Variants in FXR1 observed in about 807,000 individuals in gnomAD.
FXR1 encodes the protein FMR1 autosomal homolog 1, also known as RNA-binding protein FXR1.
A neutral mutation model predicts 84.0 loss-of-function variants in FXR1; 15 were observed. That is an observed-to-expected ratio of 0.18 (90% CI 0.12 to 0.27). The LOEUF is 0.27. FXR1 is among the 10% of genes least tolerant of loss of function. The pLI is 1.00. For synonymous variants in FXR1, 245 were observed against 250.7 expected (o/e 0.98, Z 0.21); for missense variants, 480 against 774.4 (o/e 0.62, Z 4.51).
rs773862999 is a variant in FXR1, at chr3:180,976,238, T to C, written c.1812T>C (p.Asn604=). The stretch of plus-strand genomic sequence containing the variant: ...GTACTCCAGGAGAAGAAAAGATTAA[T>C]ACCTTAAAAGAAGAAAACACTCAAG... The part of the protein sequence containing the change: ...LQRTPGEEKI[N]TLKEENTQEA... Residue 604 remains asparagine (N), a synonymous_variant, in exon 17 of 17, where the codon AAT becomes AAC. Transcript: ENST00000357559. 3 of 1,612,324 alleles carry C rather than the reference T, an allele frequency of 1.9e-6. No individual in the cohort carries two copies. The highest frequency in any genetic ancestry group is 2.5e-6 in the Non-Finnish European group (3 of 1,178,642).
At chr3:180,968,005 G>T in intron 13 of FXR1, 46 bp from the exon 14 acceptor site, 1 of 1,236,324 alleles carries the variant, frequency 8.1e-7, no homozygotes, top group South Asian at 1.2e-5. Flanking sequence ...ATTTTAAAAG[G>T]CTTTTTATAG....
intron 14 of FXR1, 27 bp from the exon 15 acceptor site, chr3:180,970,131 T>A: frequency 7.8e-7 from 1 of 1,287,978 alleles, no homozygotes. Context: ...CTTAAACGAA[T>A]ATTTCTTGCC....
At chr3:180,916,060 A>G (rs975129315) in intron 1 of FXR1, among the ~76,000 whole-genome samples, 4 of 152,246 alleles carry the variant, frequency 2.6e-5, no homozygotes, top group Non-Finnish European at 5.9e-5. Context: ...TATATAAAAT[A>G]ACATTATAGG....
intron 3 of FXR1, among the ~76,000 whole-genome samples, chr3:180,946,057 C>G (rs1721662766): frequency 6.6e-6 from 1 of 152,122 alleles, no homozygotes; most frequent in African/African-American, 2.4e-5. Context: ...ATTAGAAAGG[C>G]CTTCCTCTGT....
At chr3:180,938,320 C>G (rs1720750773) in intron 3 of FXR1, among the ~76,000 whole-genome samples, 1 of 152,124 alleles carries the variant, frequency 6.6e-6, no homozygotes, top group Non-Finnish European at 1.5e-5. Context: ...GTATCTTTTT[C>G]ATACATTAAG....
intron 1 of FXR1, among the ~76,000 whole-genome samples, chr3:180,923,199 T>G (rs1381057346): frequency 6.6e-6 from 1 of 152,224 alleles, no homozygotes; most frequent in African/African-American, 2.4e-5. Context: ...GTGTCTCTCC[T>G]TAGCTGTATC....
At chr3:180,927,945 T>C (rs1719424063) in intron 1 of FXR1, 1 of 293,514 alleles carries the variant, frequency 3.4e-6, no homozygotes, top group Non-Finnish European at 6.2e-6. Flanking sequence ...TTCTCCTTTG[T>C]ATGTGATGCT....
At chr3:180,939,651 C>G (rs776051181) in intron 3 of FXR1, among the ~76,000 whole-genome samples, 2 of 152,186 alleles carry the variant, frequency 1.3e-5, no homozygotes, top group African/African-American at 4.8e-5. Flanking sequence ...GGTTTGTGTC[C>G]TCTTCTTAAC....
At chr3:180,924,501 C>T (rs1331838988) in intron 1 of FXR1, among the ~76,000 whole-genome samples, 1 of 152,166 alleles carries the variant, frequency 6.6e-6, no homozygotes, top group Non-Finnish European at 1.5e-5. Flanking sequence ...GGGTGCAGAG[C>T]AGGACAACAG....
intron 1 of FXR1, among the ~76,000 whole-genome samples, chr3:180,926,500 A>AT (rs1261585777): frequency 0.015 from 796 of 51,826 alleles, 7 homozygotes; most frequent in African/African-American, 0.023. Context: ...ATATATATAT[A>AT]TATATATTTT....
At chr3:180,932,485 G>A (rs114125207) in intron 1 of FXR1, among the ~76,000 whole-genome samples, 407 of 152,320 alleles carry the variant, frequency 2.7e-3, no homozygotes, top group Non-Finnish European at 4.8e-3. Context: ...CAGGATTTCA[G>A]CAACAGTAAT....
At position 180,980,737 on chromosome 3, in the gene FXR1, G is replaced by T. The variant is rs966468968; in HGVS notation, c.*4445G>T. 2 of 151,958 alleles carry T rather than the reference G, an allele frequency of 1.3e-5. No homozygotes were observed. Among genetic ancestry groups the T allele is most frequent in the African/African-American group, 4.8e-5 (2 of 41,378 alleles). The allele number at this position is 151,958 out of a possible 1,614,324, so 9.4% of individuals were successfully genotyped here. A position where few individuals can be genotyped will look rare whatever the true frequency, so the allele number is the denominator to read the frequency against. On this transcript the variant is annotated 3_prime_UTR_variant, in exon 17 of 17. Transcript: ENST00000357559. ...TGGGTCAGGAATAATAGGTGACACAGGATAGAAGCTCTTCCTATATATATC... is the reference window on the plus strand; with the variant it reads ...TGGGTCAGGAATAATAGGTGACACATGATAGAAGCTCTTCCTATATATATC...
At chr3:180,959,650 C>T (rs192176272) in intron 10 of FXR1, among the ~76,000 whole-genome samples, 2 of 151,722 alleles carry the variant, frequency 1.3e-5, no homozygotes, top group Non-Finnish European at 2.9e-5. Context: ...CTCCCACCCC[C>T]CTTTTTATTC....
At chr3:180,923,961 GT>G (rs1576897916) in intron 1 of FXR1, among the ~76,000 whole-genome samples, 1 of 151,858 alleles carries the variant, frequency 6.6e-6, no homozygotes. Context: ...TGCAGCTTGA[GT>G]TTCTGTTTTT....
intron 15 of FXR1, among the ~76,000 whole-genome samples, chr3:180,973,121 C>G (rs1477613744): frequency 6.6e-6 from 1 of 152,020 alleles, no homozygotes; most frequent in Non-Finnish European, 1.5e-5. Flanking sequence ...GTATTTTTTT[C>G]TAGATATTGT....
chr3:180,955,831 T>C (rs1259530760), intron 9 of FXR1, among the ~76,000 whole-genome samples: 1 of 152,224 alleles, frequency 6.6e-6, no homozygotes, highest in African/African-American at 2.4e-5. Flanking sequence ...TGTAGTTCTT[T>C]GTTCTCTTTA....
intron 9 of FXR1, chr3:180,957,402 C>G (rs888300467): frequency 3.9e-5 from 6 of 152,648 alleles, no homozygotes; most frequent in African/African-American, 1.2e-4. Flanking sequence ...AAAATAAAAG[C>G]AAGATTGATG....
intron 7 of FXR1, 151 bp downstream of exon 7, chr3:180,949,494 C>T: frequency 7.8e-6 from 5 of 643,100 alleles, no homozygotes; most frequent in Admixed American, 2.4e-5. Flanking sequence ...TCAAGCGGTT[C>T]TCCTGCCTCA....
intron 14 of FXR1, among the ~76,000 whole-genome samples, 156 bp from the exon 15 acceptor site, chr3:180,970,002 C>T (rs1015668869): frequency 6.6e-6 from 1 of 151,988 alleles, no homozygotes; most frequent in South Asian, 2.1e-4. Context: ...TGTTATTTTC[C>T]AGGTAAATAA....
Sources: allele counts gnomAD v4.1 joint callset (sites outside exome capture counted in the v4.1 genomes callset), GRCh38; gene constraint gnomAD v4.1.1; transcripts MANE v1.5; gene names NCBI Gene and HGNC (gene_info 2026-07-23, HGNC 2026-07-21).